GALK2: variants seen among roughly 807,000 people sequenced by gnomAD.
GALK2 encodes N-acetylgalactosamine kinase.
In GALK2, 36 loss-of-function variants were observed where a neutral mutation model predicts 52.4. That is an observed-to-expected ratio of 0.69 (90% CI 0.53 to 0.91). The LOEUF (loss-of-function observed/expected upper bound fraction) is 0.91, where lower values mean the gene tolerates loss of function less well. Among genes scored for constraint, GALK2 ranks in the 40% least tolerant of loss-of-function variants. GALK2 has a pLI of 0.00. For missense variants in GALK2, 579 were observed against 559.1 expected, an observed-to-expected ratio of 1.04 and a Z score of -0.36; for synonymous variants, 176 against 199.1, an observed-to-expected ratio of 0.88 and a Z score of 0.98.
intron 1 of GALK2, among the ~76,000 whole-genome samples, chr15:49,164,402 G>T (rs1300056340): frequency 6.6e-6 from 1 of 152,018 alleles, no homozygotes; most frequent in Admixed American, 6.6e-5. Flanking sequence ...ATTGAGGTGG[G>T]CAACATTGGA....
chr15:49,326,479 T>G (rs1386211484), intron 9 of GALK2, among the ~76,000 whole-genome samples: 1 of 152,120 alleles, frequency 6.6e-6, no homozygotes, highest in Admixed American at 6.5e-5. Context: ...CTCAAACTCC[T>G]GACTTCATGA....
chr15:49,251,074 T>A (rs1464701032), intron 5 of GALK2, among the ~76,000 whole-genome samples: 1 of 152,162 alleles, frequency 6.6e-6, no homozygotes, highest in African/African-American at 2.4e-5. Context: ...CAGTAAAACC[T>A]TTCTGCCAAA....
At chr15:49,158,179 G>C (rs1303470014) in intron 1 of GALK2, among the ~76,000 whole-genome samples, 1 of 152,118 alleles carries the variant, frequency 6.6e-6, no homozygotes, top group Non-Finnish European at 1.5e-5. Flanking sequence ...GGGTATATTG[G>C]GGTTATCAGT....
At chr15:49,292,096 G>A (rs2033996209) in intron 7 of GALK2, among the ~76,000 whole-genome samples, 1 of 152,118 alleles carries the variant, frequency 6.6e-6, no homozygotes, top group Non-Finnish European at 1.5e-5. Context: ...GCGTGTGTGT[G>A]TGTGTGTTTC....
At chr15:49,155,979 C>G in exon 1 of GALK2, 1 of 1,613,854 alleles carries the variant, frequency 6.2e-7, no homozygotes, top group Non-Finnish European at 8.5e-7. Flanking sequence ...AGAAGCCTTT[C>G]GCGGAGAAAA....
intron 3 of GALK2, among the ~76,000 whole-genome samples, chr15:49,230,031 G>C (rs2090412580): frequency 6.6e-6 from 1 of 152,118 alleles, no homozygotes; most frequent in Non-Finnish European, 1.5e-5. Context: ...TGTAGTTATT[G>C]CCAGTGGCTT....
intron 5 of GALK2, among the ~76,000 whole-genome samples, chr15:49,245,897 A>G (rs2091324313): frequency 6.6e-6 from 1 of 152,192 alleles, no homozygotes; most frequent in Non-Finnish European, 1.5e-5. Flanking sequence ...AACAATTAAT[A>G]TGGTTGTTAA....
chr15:49,337,239 TTC>T (rs1361154088), intron 3 of GALK2, among the ~76,000 whole-genome samples: 1 of 152,244 alleles, frequency 6.6e-6, no homozygotes, highest in Non-Finnish European at 1.5e-5. Context: ...TGAACGGTAG[TTC>T]TGTTTTAAGT....
chr15:49,201,900 T>G (rs569201926), intron 2 of GALK2, among the ~76,000 whole-genome samples: 1 of 152,266 alleles, frequency 6.6e-6, no homozygotes, highest in South Asian at 2.1e-4. Context: ...ATTCCACAGA[T>G]GGGGTAATTT....
At chr15:49,170,487 A>C in intron 1 of GALK2, 112 bp downstream of exon 1, 1 of 1,068,808 alleles carries the variant, frequency 9.4e-7, no homozygotes, top group Non-Finnish European at 1.4e-6. Context: ...CCGGGGAGCA[A>C]GTGGAACCCT....
At chr15:49,304,068 C>T (rs2035343456) in intron 8 of GALK2, among the ~76,000 whole-genome samples, 3 of 152,290 alleles carry the variant, frequency 2.0e-5, no homozygotes, top group African/African-American at 4.8e-5. Flanking sequence ...ATTGTCTCCT[C>T]TGTCACTCCT....
At chr15:49,251,814 T>G (rs2141574499) in intron 5 of GALK2, among the ~76,000 whole-genome samples, 1 of 152,308 alleles carries the variant, frequency 6.6e-6, no homozygotes. Flanking sequence ...TGTTCTGTAC[T>G]TCCTAAACAT....
At chr15:49,315,756 A>T (rs1275438807) in intron 8 of GALK2, among the ~76,000 whole-genome samples, 3 of 152,162 alleles carry the variant, frequency 2.0e-5, no homozygotes, top group African/African-American at 7.2e-5. Context: ...CCTATTCAGA[A>T]GTCCTGCTGT....
chr15:49,224,991 T>C (rs2090045830), intron 3 of GALK2, among the ~76,000 whole-genome samples: 1 of 152,204 alleles, frequency 6.6e-6, no homozygotes, highest in Non-Finnish European at 1.5e-5. Flanking sequence ...GTGTTTTAAT[T>C]TGGGATGTGA....
upstream of GALK2, chr15:49,170,177 A>T: frequency 1.4e-6 from 2 of 1,465,072 alleles, no homozygotes; most frequent in Non-Finnish European, 1.8e-6. Context: ...GGAAGCAGCC[A>T]CCTCAGCGAA....
rs566121253 is a variant in GALK2 at position 49,161,035 on chromosome 15, C to G, written c.20+5019C>G. ...AAGTTTCATAGTTTTACTTTGTACT[C>G]AAGATAGCAGTTGCAAAATGGATAA... On this transcript the variant is annotated intron_variant, in intron 1 of 9. Coordinates refer to the GALK2 transcript ENST00000327171. 2.0e-5 allele frequency among the ~76,000 whole-genome samples: 3 copies of G among 152,248 alleles called. No homozygotes were observed. In the East Asian group the frequency reaches 5.8e-4, roughly 29 times the overall value.
chr15:49,160,371 G>C (rs1200540076), intron 1 of GALK2, among the ~76,000 whole-genome samples: 1 of 152,158 alleles, frequency 6.6e-6, no homozygotes, highest in African/African-American at 2.4e-5. Context: ...AGAATTGGAA[G>C]AGCCTTTAAT....
exon 1 of GALK2, chr15:49,155,852 G>A: frequency 1.1e-6 from 1 of 928,514 alleles, no homozygotes; most frequent in East Asian, 2.4e-5. Context: ...GAAGGGCGTC[G>A]GAAACTGCGC....
At chr15:49,189,672 C>T (rs1470219171) in intron 1 of GALK2, among the ~76,000 whole-genome samples, 1 of 151,946 alleles carries the variant, frequency 6.6e-6, no homozygotes, top group African/African-American at 2.4e-5. Context: ...AATATAGAGA[C>T]AATACAGAGT....
Sources: allele counts gnomAD v4.1 joint callset (sites outside exome capture counted in the v4.1 genomes callset), GRCh38; gene constraint gnomAD v4.1.1; transcripts MANE v1.5; gene names NCBI Gene and HGNC (gene_info 2026-07-23, HGNC 2026-07-21).